The following IFT122 variants were observed in gnomAD, a reference collection of about 807,000 sequenced individuals.
The protein encoded by IFT122 is intraflagellar transport protein 122 homolog.
In IFT122, 118 loss-of-function variants were observed where a neutral mutation model predicts 161.6. The observed-to-expected ratio is 0.73, with a 90% CI of 0.63 to 0.85. The LOEUF (loss-of-function observed/expected upper bound fraction) is 0.85. IFT122 is among the 40% of genes least tolerant of loss of function. IFT122 has a pLI of 0.00. For missense variants in IFT122, 1,381 were observed against 1,579.6 expected (o/e 0.87, Z 2.13); for synonymous variants, 550 against 602.4 (o/e 0.91, Z 1.27).
chr3:129,515,032 G>T, intron 25 of IFT122: 4 of 368,094 alleles, frequency 1.1e-5, no homozygotes, highest in South Asian at 9.4e-5. Flanking sequence ...CAAGGACTTG[G>T]TTCAGACAGA....
chr3:129,465,558 C>T (rs1198373607), intron 7 of IFT122, among the ~76,000 whole-genome samples: 1 of 150,798 alleles, frequency 6.6e-6, no homozygotes, highest in Non-Finnish European at 1.5e-5. Context: ...GCAACCTCCA[C>T]CTCTCGGGTT....
intron 15 of IFT122, among the ~76,000 whole-genome samples, chr3:129,484,949 T>C (rs1186951138): frequency 6.6e-6 from 1 of 152,218 alleles, no homozygotes; most frequent in African/African-American, 2.4e-5. Context: ...GTCATGGCAC[T>C]GAACACTGCC....
chr3:129,454,030 C>G (rs1288566433), intron 3 of IFT122, among the ~76,000 whole-genome samples: 1 of 152,144 alleles, frequency 6.6e-6, no homozygotes, highest in African/African-American at 2.4e-5. Context: ...TGTTATAATT[C>G]TTGAATGAAC....
intron 1 of IFT122, among the ~76,000 whole-genome samples, chr3:129,446,047 T>A (rs2073947174): frequency 6.6e-6 from 1 of 152,152 alleles, no homozygotes; most frequent in African/African-American, 2.4e-5. Flanking sequence ...GGGTCAAACA[T>A]GCCTCAGTAT....
At chr3:129,459,648 C>T (rs901344350) in intron 4 of IFT122, among the ~76,000 whole-genome samples, 1 of 121,792 alleles carries the variant, frequency 8.2e-6, no homozygotes, top group Non-Finnish European at 1.7e-5. Flanking sequence ...CTCCCTCCCT[C>T]CCTTCTTCCT....
At chr3:129,462,305 T>A (rs1470355444) in intron 5 of IFT122, among the ~76,000 whole-genome samples, 3 of 152,230 alleles carry the variant, frequency 2.0e-5, no homozygotes, top group African/African-American at 7.2e-5. Flanking sequence ...TTAAAAAAAA[T>A]ATAATATTAA....
At chr3:129,447,832 G>A (rs367998779) in intron 1 of IFT122, among the ~76,000 whole-genome samples, 1 of 152,248 alleles carries the variant, frequency 6.6e-6, no homozygotes, top group African/African-American at 2.4e-5. Context: ...CATACTTAAA[G>A]TCTGTGTTGA....
chr3:129,441,638 C>G (rs1339978690), intron 1 of IFT122, among the ~76,000 whole-genome samples: 1 of 152,100 alleles, frequency 6.6e-6, no homozygotes, highest in East Asian at 1.9e-4. Flanking sequence ...ACGTGGCAAA[C>G]TCAAATGTCT....
chr3:129,469,459 A>T, intron 9 of IFT122, 42 bp downstream of exon 9: 1 of 1,439,946 alleles, frequency 6.9e-7, no homozygotes, highest in Non-Finnish European at 9.8e-7. Context: ...CATGCCTGTT[A>T]TATTTTCATT....
intron 1 of IFT122, among the ~76,000 whole-genome samples, chr3:129,441,890 A>T (rs930257496): frequency 6.6e-6 from 1 of 152,210 alleles, no homozygotes; most frequent in African/African-American, 2.4e-5. Context: ...GCAACTGAAC[A>T]TTTGGCTTCA....
chr3:129,496,998 A>G (rs1336982903), intron 18 of IFT122, among the ~76,000 whole-genome samples: 1 of 152,200 alleles, frequency 6.6e-6, no homozygotes, highest in East Asian at 1.9e-4. Context: ...ATGCCTGACC[A>G]GGCTGGGCAT....
rs554860543 is a variant in IFT122 at position 129,494,212 on chromosome 3, G to GTTT, written c.2047-1233_2047-1231dup. Among the ~76,000 whole-genome samples the GTTT allele has an allele frequency of 7.3e-5, 10 of 136,798 alleles. No homozygotes were observed. In the East Asian group the frequency reaches 1.0e-3, roughly 14 times the overall value. 89.7% of individuals were successfully genotyped at this position (136,798 alleles called of 152,430 possible). A position where few individuals can be genotyped will look rare whatever the true frequency, so the allele number is the denominator to read the frequency against. On this transcript the variant is annotated intron_variant, in intron 17 of 29. Coordinates refer to ENST00000348417, the MANE Select transcript of IFT122 (RefSeq NM_052989.3). ...CTAGTAAAACCTTTTTTGTTTGTTT[G>GTTT]TTTGTTTTTTTTTTGCAGAGATAGA...
chr3:129,451,421 C>A (rs909280808), intron 2 of IFT122, among the ~76,000 whole-genome samples: 13 of 152,140 alleles, frequency 8.5e-5, no homozygotes, highest in African/African-American at 2.9e-4. Context: ...CCATGCCTGG[C>A]CTACAGTTGG....
intron 18 of IFT122, among the ~76,000 whole-genome samples, chr3:129,496,859 T>C (rs1315538784): frequency 1.3e-5 from 2 of 152,168 alleles, no homozygotes; most frequent in Non-Finnish European, 2.9e-5. Flanking sequence ...AGTCAGTGCA[T>C]CTCTGCTTCC....
intron 17 of IFT122, among the ~76,000 whole-genome samples, chr3:129,495,033 C>T (rs1316190171): frequency 6.6e-6 from 1 of 152,152 alleles, no homozygotes; most frequent in Non-Finnish European, 1.5e-5. Context: ...TGGGCAGAAA[C>T]CCTAAACATT....
At chr3:129,519,836 A>G in intron 29 of IFT122, 104 bp downstream of exon 29, 1 of 1,362,992 alleles carries the variant, frequency 7.3e-7, no homozygotes, top group Admixed American at 1.7e-5. Context: ...GGGCACATCC[A>G]TGGCTCCAAG....
chr3:129,449,897 A>T lies in IFT122; in HGVS notation c.68A>T (p.Asp23Val), dbSNP rs768821251. The T allele has an allele frequency of 2.5e-6, 4 of 1,613,474 alleles. No homozygotes were observed. Among genetic ancestry groups the T allele is most frequent in the Non-Finnish European group, 3.4e-6 (4 of 1,179,494 alleles). The change falls in exon 2 of 30, where the codon GAT (aspartate) becomes GTT (valine). Residue 23 changes from aspartate (D) to valine (V), a missense_variant. This residue lies in a region of IFT122 where 134 missense variants were observed against 137.4 expected (regional missense o/e 0.98). Coordinates refer to ENST00000348417, the MANE Select transcript of IFT122 (RefSeq NM_052989.3). Reference sequence around the variant, plus strand: ...ATAAATGACATCGCATTTAAGCCTGATGGAACTCAACTGATTTTGGCTGCC... The same window carrying T: ...ATAAATGACATCGCATTTAAGCCTGTTGGAACTCAACTGATTTTGGCTGCC... ...HCINDIAFKP[D>V]GTQLILAAGS...
At chr3:129,488,431 T>C in intron 16 of IFT122, 34 bp downstream of exon 16, 5 of 1,613,820 alleles carry the variant, frequency 3.1e-6, no homozygotes, top group Non-Finnish European at 4.2e-6. Context: ...TGGAGTTTGG[T>C]CCTTGTGGGG....
At chr3:129,488,061 A>G (rs2079529067) in intron 15 of IFT122, 196 bp from the exon 16 acceptor site, 2 of 776,512 alleles carry the variant, frequency 2.6e-6, no homozygotes, top group African/African-American at 1.7e-5. Flanking sequence ...ACAGTAGCCC[A>G]GTCATGAGAG....
Sources: gnomAD v4.1 joint callset for allele counts (sites outside exome capture counted in the v4.1 genomes callset) on GRCh38, gnomAD v4.1.1 for gene constraint, gnomAD v4.1.1 regional missense constraint, MANE v1.5 for transcripts, NCBI Gene and HGNC (gene_info 2026-07-23, HGNC 2026-07-21) for gene names.